The following VSTM4 variants were observed in gnomAD, a reference collection of about 807,000 sequenced individuals.
The protein encoded by VSTM4 is V-set and transmembrane domain-containing protein 4.
A neutral mutation model predicts 36.4 loss-of-function variants in VSTM4; 20 were observed. The ratio of observed to expected loss-of-function variants is 0.55; its 90% CI spans 0.39 to 0.80. The LOEUF is 0.80. Ranked by LOEUF, VSTM4 falls within the 30% of genes least tolerant of loss-of-function variation. The pLI is 0.00. For missense variants in VSTM4, 392 were observed against 404.5 expected (o/e 0.97, Z 0.26); for synonymous variants, 182 against 173.9 (o/e 1.05, Z -0.37).
chr10:49,046,743 C>T (rs575764401), intron 7 of VSTM4, among the ~76,000 whole-genome samples: 1 of 152,238 alleles, frequency 6.6e-6, no homozygotes, highest in Admixed American at 6.5e-5. Context: ...GGCTTTTCTC[C>T]CGTTTGAAAC....
intron 7 of VSTM4, among the ~76,000 whole-genome samples, chr10:49,032,241 A>G (rs1843357704): frequency 6.6e-6 from 1 of 152,344 alleles, no homozygotes; most frequent in Non-Finnish European, 1.5e-5. Context: ...CGACATGTGC[A>G]GAGATGAAGG....
chr10:49,093,975 C>G (rs1321068962), intron 2 of VSTM4, among the ~76,000 whole-genome samples: 1 of 152,062 alleles, frequency 6.6e-6, no homozygotes, highest in Non-Finnish European at 1.5e-5. Context: ...TCTTGATCTC[C>G]TGACCTCGCG....
At chr10:49,105,135 G>A (rs941570303) in intron 2 of VSTM4, among the ~76,000 whole-genome samples, 1 of 151,012 alleles carries the variant, frequency 6.6e-6, no homozygotes, top group Non-Finnish European at 1.5e-5. Flanking sequence ...AAGACAGAGA[G>A]AGACAGAGAG....
At chr10:49,104,469 C>T (rs1011061730) in intron 2 of VSTM4, among the ~76,000 whole-genome samples, 1 of 152,234 alleles carries the variant, frequency 6.6e-6, no homozygotes, top group Non-Finnish European at 1.5e-5. Flanking sequence ...TGCACAGCCC[C>T]AGCCTGGGGC....
chr10:49,104,654 G>A (rs922390705), intron 2 of VSTM4, among the ~76,000 whole-genome samples: 2 of 152,244 alleles, frequency 1.3e-5, no homozygotes, highest in African/African-American at 2.4e-5. Flanking sequence ...CCCTGCCCAG[G>A]AGCTGAGATG....
intron 2 of VSTM4, among the ~76,000 whole-genome samples, chr10:49,106,571 A>G (rs1028731950): frequency 3.3e-5 from 5 of 152,174 alleles, no homozygotes; most frequent in Admixed American, 6.5e-5. Flanking sequence ...CTTCCTCATG[A>G]ATTTCTTGGC....
intron 2 of VSTM4, among the ~76,000 whole-genome samples, chr10:49,097,797 AC>A (rs1172146896): frequency 6.6e-6 from 1 of 152,216 alleles, no homozygotes; most frequent in African/African-American, 2.4e-5. Flanking sequence ...TTCAAAGGTG[AC>A]CTTGGAGTTT....
chr10:49,026,216 T>C (rs1265133684), intron 7 of VSTM4, among the ~76,000 whole-genome samples: 1 of 152,178 alleles, frequency 6.6e-6, no homozygotes, highest in Admixed American at 6.5e-5. Flanking sequence ...CCGAGGAGCC[T>C]AGTGTCTGCC....
chr10:49,107,485 TG>T, intron 2 of VSTM4, 108 bp downstream of exon 2: 7 of 1,374,812 alleles, frequency 5.1e-6, no homozygotes, highest in African/African-American at 1.5e-5. Flanking sequence ...CCACAAGATA[TG>T]TTCTAGTGCA....
At chr10:49,099,735 T>C (rs1460996630) in intron 2 of VSTM4, among the ~76,000 whole-genome samples, 1 of 152,202 alleles carries the variant, frequency 6.6e-6, no homozygotes, top group Non-Finnish European at 1.5e-5. Context: ...AAAAACGACA[T>C]CAACAAGTTC....
At chr10:49,091,489 A>G (rs936981496) in intron 2 of VSTM4, among the ~76,000 whole-genome samples, 1 of 152,238 alleles carries the variant, frequency 6.6e-6, no homozygotes, top group Admixed American at 6.5e-5. Flanking sequence ...GCTGGAAAGA[A>G]AGAGCCTCAG....
intron 7 of VSTM4, among the ~76,000 whole-genome samples, chr10:49,024,114 T>G (rs912539742): frequency 1.3e-5 from 2 of 152,202 alleles, no homozygotes; most frequent in Admixed American, 1.3e-4. Context: ...CCCAGGGCTG[T>G]TTGGTTTTAC....
rs1215357046 is a variant in VSTM4 at position 49,046,927 on chromosome 10, T to G, written c.837+56A>C. 6 of 1,548,558 alleles carry G rather than the reference T, an allele frequency of 3.9e-6. No homozygotes were observed. In the East Asian group the frequency reaches 1.3e-4, roughly 35 times the overall value. ...AGTTAATAAAGGCACTGTTTTGGAA[T>G]CTGAGTTGTGTCTGAGGCTTAAGGT... On this transcript the variant is annotated intron_variant, in intron 7 of 7. Coordinates refer to ENST00000332853, the MANE Select transcript of VSTM4 (RefSeq NM_001031746.5).
intron 3 of VSTM4, among the ~76,000 whole-genome samples, chr10:49,081,305 T>C (rs1844273814): frequency 6.6e-6 from 1 of 152,226 alleles, no homozygotes; most frequent in Non-Finnish European, 1.5e-5. Flanking sequence ...GAAGGGACTA[T>C]GCAAATGTGG....
intron 7 of VSTM4, among the ~76,000 whole-genome samples, chr10:49,032,679 T>C (rs943631669): frequency 6.6e-6 from 1 of 152,166 alleles, no homozygotes; most frequent in Non-Finnish European, 1.5e-5. Flanking sequence ...GCCTCAGGAA[T>C]GTAGACAGGG....
chr10:49,083,733 A>C (rs187827343), intron 3 of VSTM4, among the ~76,000 whole-genome samples: 1 of 152,370 alleles, frequency 6.6e-6, no homozygotes, highest in Non-Finnish European at 1.5e-5. Flanking sequence ...TTAATTGCAC[A>C]AAGGGTTTCA....
At chr10:49,041,845 T>C (rs1203910491) in intron 7 of VSTM4, among the ~76,000 whole-genome samples, 1 of 152,172 alleles carries the variant, frequency 6.6e-6, no homozygotes, top group Non-Finnish European at 1.5e-5. Context: ...TACGATGACA[T>C]GCCAAAAGCA....
intron 7 of VSTM4, among the ~76,000 whole-genome samples, chr10:49,046,504 T>C (rs1390759800): frequency 6.6e-6 from 1 of 152,226 alleles, no homozygotes; most frequent in African/African-American, 2.4e-5. Context: ...ATTTCTTAGT[T>C]TGACACATGT....
In VSTM4 at chr10:49,064,583, T is replaced by C. The variant is rs932655799; in HGVS notation, c.668+120A>G. 5.9e-6 allele frequency: 7 copies of C among 1,190,828 alleles called. No homozygotes were observed. The Admixed American group carries it at 8.3e-5, about 14-fold the overall frequency. 73.8% of individuals were successfully genotyped at this position (1,190,828 alleles called of 1,614,324 possible). ...GCAGGATACACATTTGCAGGCATATTTGTGGACAAATATGCAGACTTTTAG... is the reference window on the plus strand; with the variant it reads ...GCAGGATACACATTTGCAGGCATATCTGTGGACAAATATGCAGACTTTTAG... On this transcript the variant is annotated intron_variant, in intron 5 of 7. Transcript: ENST00000332853.
Sources: allele counts gnomAD v4.1 joint callset (sites outside exome capture counted in the v4.1 genomes callset), GRCh38; gene constraint gnomAD v4.1.1; transcripts MANE v1.5; gene names NCBI Gene and HGNC (gene_info 2026-07-23, HGNC 2026-07-21).